Variants in ANKS6 observed in about 807,000 individuals in gnomAD.
ANKS6 encodes ankyrin repeat and sterile alpha motif domain containing 6, also known as ankyrin repeat and SAM domain-containing protein 6.
Under a neutral mutation model 77.9 loss-of-function variants are expected in ANKS6, and 47 were observed. The ratio of observed to expected loss-of-function variants is 0.60; its 90% CI spans 0.48 to 0.77. The LOEUF (loss-of-function observed/expected upper bound fraction) is 0.77, where lower values mean the gene tolerates loss of function less well. Among genes scored for constraint, ANKS6 ranks in the 30% least tolerant of loss-of-function variants. The probability of loss-of-function intolerance (pLI) is 0.00; values close to 1 mark genes in which losing one functional copy is unlikely to be tolerated. For missense variants in ANKS6, 1,150 were observed against 1,159.1 expected (o/e 0.99, Z 0.11); for synonymous variants, 488 against 501.7 (o/e 0.97, Z 0.37).
Position 98,761,596 on chromosome 9 carries a change from G to C in ANKS6, c.2143-4993C>G, listed in dbSNP as rs1833013134. Among the ~76,000 whole-genome samples the C allele has an allele frequency of 2.0e-5, 3 of 152,130 alleles. No individual in the cohort carries two copies. The South Asian group carries it at 6.2e-4, about 32-fold the overall frequency. On this transcript the variant is annotated intron_variant, in intron 11 of 14. Transcript: ENST00000353234. ...TTTTTCTTTTATGTATCATGCTTTTGGCACTGTGAGATACACGTGGAGGTT... is the reference window on the plus strand; with the variant it reads ...TTTTTCTTTTATGTATCATGCTTTTCGCACTGTGAGATACACGTGGAGGTT...
At chr9:98,741,459 A>G (rs946246598) in intron 14 of ANKS6, among the ~76,000 whole-genome samples, 1 of 152,180 alleles carries the variant, frequency 6.6e-6, no homozygotes. Flanking sequence ...GACACAAAAC[A>G]CTGCAGAGTA....
chr9:98,736,594 G>A lies in ANKS6; in HGVS notation c.2541C>T (p.Thr847=). ...KGRERQILQE[T]IHNFHSSFES... ...CAAAGGAAGAGTGAAAGTTGTGAAT[G>A]GTTTCCTGTAAAATTTGTCTCTCGC... The change falls in exon 15 of 15, where the codon ACC becomes ACT. Residue 847 remains threonine (T), a synonymous_variant. Transcript: ENST00000353234. The A allele has an allele frequency of 6.2e-7, 1 of 1,613,018 alleles. No individual in the cohort carries two copies.
At chr9:98,779,723 G>C (rs1834127050) in intron 6 of ANKS6, among the ~76,000 whole-genome samples, 1 of 151,936 alleles carries the variant, frequency 6.6e-6, no homozygotes, top group African/African-American at 2.4e-5. Flanking sequence ...GAGTGCAGTG[G>C]CGCGATCTCG....
At chr9:98,747,714 T>C (rs1049150187) in intron 13 of ANKS6, among the ~76,000 whole-genome samples, 3 of 152,086 alleles carry the variant, frequency 2.0e-5, no homozygotes, top group Admixed American at 1.3e-4. Flanking sequence ...GCCCTCTTGG[T>C]GAGGGGCCCT....
At chr9:98,782,742 C>A (rs930960428) in intron 4 of ANKS6, among the ~76,000 whole-genome samples, 169 bp from the exon 5 acceptor site, 3 of 152,076 alleles carry the variant, frequency 2.0e-5, no homozygotes, top group African/African-American at 7.2e-5. Context: ...GCAGGTCAAG[C>A]GGGAACATGA....
At chr9:98,750,891 G>C in intron 13 of ANKS6, 138 bp downstream of exon 13, 1 of 683,650 alleles carries the variant, frequency 1.5e-6, no homozygotes, top group Non-Finnish European at 2.5e-6. Flanking sequence ...AACTAATCCC[G>C]CTAAGCACGA....
rs779026149 is a variant in ANKS6, at chr9:98,777,411, T to G, written c.1611A>C (p.Thr537=). Residue 537 remains threonine, a synonymous_variant, in exon 8 of 15, where the codon ACA becomes ACC. Transcript: ENST00000353234. ...TRGEKEDTLL[T]TMLRNGAPLT... Reference sequence around the variant, plus strand: ...AGAAAAGCCCCACACTCACCATGGTTGTCAATAACGTGTCTTCCTTTTCTC... The same window carrying G: ...AGAAAAGCCCCACACTCACCATGGTGGTCAATAACGTGTCTTCCTTTTCTC... 32 of 1,614,146 alleles carry G rather than the reference T, an allele frequency of 2.0e-5. No homozygotes were observed. Among genetic ancestry groups the G allele is most frequent in the Non-Finnish European group, 2.6e-5 (31 of 1,180,014 alleles).
At chr9:98,785,113 C>T (rs1158288532) in intron 2 of ANKS6, among the ~76,000 whole-genome samples, 1 of 152,198 alleles carries the variant, frequency 6.6e-6, no homozygotes, top group East Asian at 1.9e-4. Context: ...AGCAGCAGAT[C>T]ACGGCCCTGA....
intron 14 of ANKS6, among the ~76,000 whole-genome samples, chr9:98,738,583 A>AT (rs1304352183): frequency 2.6e-5 from 4 of 151,860 alleles, no homozygotes; most frequent in Non-Finnish European, 1.5e-5. Context: ...AAATAAAATA[A>AT]AAAAAAAAAC....
At chr9:98,743,719 C>T (rs1368410579) in intron 14 of ANKS6, among the ~76,000 whole-genome samples, 3 of 152,210 alleles carry the variant, frequency 2.0e-5, no homozygotes, top group Non-Finnish European at 2.9e-5. Context: ...CTGAAACTGA[C>T]TTCTGTGGCT....
chr9:98,748,383 A>C (rs1832257450), intron 13 of ANKS6, among the ~76,000 whole-genome samples: 1 of 152,194 alleles, frequency 6.6e-6, no homozygotes, highest in Non-Finnish European at 1.5e-5. Flanking sequence ...GTATCCTTTC[A>C]ATATTCATGC....
chr9:98,756,482 G>A lies in ANKS6; in HGVS notation c.2264C>T (p.Ser755Leu), dbSNP rs370230003. Residue 755 changes from serine to leucine, a missense_variant, in exon 12 of 15, where the codon TCG (serine) becomes TTG (leucine). Coordinates refer to ENST00000353234, the MANE Select transcript of ANKS6 (RefSeq NM_173551.5). ...GHTAESSVSS[S>L]SSHRQSKSSG... Reference sequence around the variant, plus strand: ...GCTCTTGGACTGCCGATGGGATGACGAGGAAGACACTGAGGACTCTGCAGT... The same window carrying A: ...GCTCTTGGACTGCCGATGGGATGACAAGGAAGACACTGAGGACTCTGCAGT... 59 of 1,613,588 alleles carry A rather than the reference G, an allele frequency of 3.7e-5. No individual in the cohort carries two copies. Among genetic ancestry groups the A allele is most frequent in the South Asian group, 1.1e-4 (10 of 91,068 alleles).
intron 14 of ANKS6, among the ~76,000 whole-genome samples, chr9:98,738,016 A>G (rs982510153): frequency 2.0e-5 from 3 of 152,238 alleles, no homozygotes; most frequent in Admixed American, 2.0e-4. Flanking sequence ...TGGTGCTGGG[A>G]TAACTGGCTA....
chr9:98,733,118 C>T lies in ANKS6; in HGVS notation c.*3401G>A. 1 of 916,172 alleles carries T rather than the reference C, an allele frequency of 1.1e-6. No individual in the cohort carries two copies. Among genetic ancestry groups the T allele is most frequent in the Non-Finnish European group, 1.3e-6 (1 of 766,844 alleles). 56.8% of individuals were successfully genotyped at this position (916,172 alleles called of 1,614,324 possible). A position where few individuals can be genotyped will look rare whatever the true frequency, so the allele number is the denominator to read the frequency against. On this transcript the variant is annotated 3_prime_UTR_variant, in exon 15 of 15. Transcript: ENST00000353234. ...AGATACTGTGGGGTTCCCTTGAGGG[C>T]AGAGAAGTCCTTTTTCATCTTTGGA... is the stretch of plus-strand genomic sequence containing the variant.
intron 2 of ANKS6, among the ~76,000 whole-genome samples, chr9:98,788,591 T>C (rs967991205): frequency 6.6e-6 from 1 of 152,236 alleles, no homozygotes; most frequent in Non-Finnish European, 1.5e-5. Flanking sequence ...TATGAGTCCC[T>C]AACACTCTAC....
At position 98,790,097 on chromosome 9, in the gene ANKS6, G is replaced by A. The variant is rs1356519779; in HGVS notation, c.862+7C>T. 2 of 1,548,278 alleles carry A rather than the reference G, an allele frequency of 1.3e-6. No individual in the cohort carries two copies. Among genetic ancestry groups the A allele is most frequent in the Non-Finnish European group, 1.8e-6 (2 of 1,140,170 alleles). Reference sequence around the variant, plus strand: ...TCTGTGAAGCCACGGGGGGCATGCAGCCTGACCTGTTTTGGGCCTGACGGT... The same window carrying A: ...TCTGTGAAGCCACGGGGGGCATGCAACCTGACCTGTTTTGGGCCTGACGGT... On this transcript the variant is annotated splice_region_variant and intron_variant, in intron 2 of 14. Coordinates refer to ENST00000353234, the MANE Select transcript of ANKS6 (RefSeq NM_173551.5).
chr9:98,747,206 T>C (rs1832181709), intron 13 of ANKS6, among the ~76,000 whole-genome samples: 2 of 152,208 alleles, frequency 1.3e-5, no homozygotes, highest in Non-Finnish European at 2.9e-5. Context: ...TTCTTGAAAA[T>C]CCTTAGTCTT....
chr9:98,791,026 G>A lies in ANKS6; in HGVS notation c.360-420C>T, dbSNP rs114435922. 2.0e-5 allele frequency among the ~76,000 whole-genome samples: 3 copies of A among 152,214 alleles called. No individual in the cohort carries two copies. Among genetic ancestry groups the A allele is most frequent in the Admixed American group, 6.5e-5 (1 of 15,284 alleles). ...TAGGTATTATAATTGTTCATGTTAC[G>A]TTATTCAACGTGCCAAGGGTTACCC... On this transcript the variant is annotated intron_variant, in intron 1 of 14. Transcript: ENST00000353234. This position sits in a 1 kb window ranked among gnomAD's most constrained non-coding sequence, Gnocchi z 4.3.
intron 14 of ANKS6, among the ~76,000 whole-genome samples, chr9:98,741,714 C>T (rs1831839760): frequency 6.6e-6 from 1 of 152,216 alleles, no homozygotes. Flanking sequence ...CTCGAGCACA[C>T]ATTACAATTC....
Sources: gnomAD v4.1 joint callset for allele counts (sites outside exome capture counted in the v4.1 genomes callset) on GRCh38, gnomAD v4.1.1 for gene constraint, Gnocchi (gnomAD v3.1) non-coding constraint, MANE v1.5 for transcripts, NCBI Gene and HGNC (gene_info 2026-07-23, HGNC 2026-07-21) for gene names.